HMGA2: variants seen among roughly 807,000 people sequenced by gnomAD.
The protein encoded by HMGA2 is high mobility group AT-hook 2, also known as high mobility group protein HMGI-C.
HMGA2 carries 8 observed loss-of-function variants against 19.1 expected under a neutral mutation model. The observed-to-expected ratio is 0.42, with a 90% CI of 0.25 to 0.76. The LOEUF (loss-of-function observed/expected upper bound fraction) is 0.76. Ranked by LOEUF, HMGA2 falls within the 30% of genes least tolerant of loss-of-function variation. The pLI is 0.28. For missense variants in HMGA2, 109 were observed against 136.3 expected, an observed-to-expected ratio of 0.80 and a Z score of 1.00; for synonymous variants, 60 against 48.8, an observed-to-expected ratio of 1.23 and a Z score of -0.96.
At chr12:65,828,354 T>A in intron 2 of HMGA2, 1 of 169,422 alleles carries the variant, frequency 5.9e-6, no homozygotes, top group South Asian at 8.2e-5. Flanking sequence ...CGGGTAGAAG[T>A]GAGGAAGGAA....
chr12:65,923,992 A>G (rs1875416057), intron 3 of HMGA2, among the ~76,000 whole-genome samples: 2 of 152,082 alleles, frequency 1.3e-5, no homozygotes, highest in Non-Finnish European at 2.9e-5. Flanking sequence ...CCTGGGCAAC[A>G]AGAGCAAAAC....
chr12:65,866,687 G>T (rs776565658), intron 3 of HMGA2: 1 of 398,874 alleles, frequency 2.5e-6, no homozygotes, highest in Non-Finnish European at 5.0e-6. Context: ...ATTACCTCTT[G>T]TACCTTAGCC....
intron 3 of HMGA2, among the ~76,000 whole-genome samples, chr12:65,861,805 C>T (rs1362508674): frequency 6.7e-6 from 1 of 149,392 alleles, no homozygotes; most frequent in Non-Finnish European, 1.5e-5. Context: ...AATATAACAA[C>T]ATATTTTTGA....
chr12:65,872,446 T>C (rs993229196), intron 3 of HMGA2, among the ~76,000 whole-genome samples: 4 of 152,220 alleles, frequency 2.6e-5, no homozygotes, highest in Non-Finnish European at 5.9e-5. Flanking sequence ...GTGTTCATTC[T>C]GAGTTAGCTC....
intron 3 of HMGA2, among the ~76,000 whole-genome samples, chr12:65,905,721 A>G (rs1202522011): frequency 6.6e-6 from 1 of 152,232 alleles, no homozygotes; most frequent in Non-Finnish European, 1.5e-5. Flanking sequence ...TTCCTTAAAA[A>G]CACATATATT....
intron 3 of HMGA2, among the ~76,000 whole-genome samples, chr12:65,918,786 A>G (rs1050437170): frequency 5.9e-5 from 9 of 152,212 alleles, no homozygotes; most frequent in African/African-American, 2.2e-4. Context: ...CCATAAGGGC[A>G]ACAGAGAAAT....
At chr12:65,883,636 CT>C (rs35532574) in intron 3 of HMGA2, among the ~76,000 whole-genome samples, 1 of 151,988 alleles carries the variant, frequency 6.6e-6, no homozygotes, top group African/African-American at 2.4e-5. Context: ...CTATGCACTG[CT>C]TTTTTTTCAC....
intron 3 of HMGA2, among the ~76,000 whole-genome samples, chr12:65,931,527 C>A (rs992059702): frequency 6.6e-6 from 1 of 150,602 alleles, no homozygotes; most frequent in Non-Finnish European, 1.5e-5. Context: ...AAGAATGGAA[C>A]CCAGGAGCTA....
At chr12:65,840,662 C>G (rs910729800) in intron 3 of HMGA2, among the ~76,000 whole-genome samples, 3 of 152,114 alleles carry the variant, frequency 2.0e-5, no homozygotes, top group African/African-American at 7.2e-5. Context: ...GCATACATAT[C>G]AAATAGAGAT....
intron 3 of HMGA2, among the ~76,000 whole-genome samples, chr12:65,936,122 T>C (rs943208593): frequency 6.6e-6 from 1 of 152,178 alleles, no homozygotes; most frequent in African/African-American, 2.4e-5. Context: ...TATTAAGCTG[T>C]TTTCCTTTTA....
At chr12:65,838,749 T>C (rs1278905979) in intron 3 of HMGA2, among the ~76,000 whole-genome samples, 180 bp downstream of exon 3, 1 of 152,128 alleles carries the variant, frequency 6.6e-6, no homozygotes, top group Admixed American at 6.5e-5. Flanking sequence ...TCCAGGTGTT[T>C]ACGTAGAACA....
chr12:65,915,643 CCCAGCTTCAGA>C, intron 3 of HMGA2: 2 of 735,834 alleles, frequency 2.7e-6, no homozygotes, highest in Non-Finnish European at 3.4e-6. Context: ...ACATTTCATT[CCCAGCTTCAGA>C]TGGGCTGCCA....
At chr12:65,922,230 G>T (rs1565733407) in intron 3 of HMGA2, among the ~76,000 whole-genome samples, 2 of 152,130 alleles carry the variant, frequency 1.3e-5, no homozygotes, top group Non-Finnish European at 2.9e-5. Context: ...TTCACTATGT[G>T]TCTGGAAAAG....
intron 3 of HMGA2, among the ~76,000 whole-genome samples, chr12:65,907,143 T>C (rs1324333533): frequency 2.6e-5 from 4 of 152,048 alleles, no homozygotes; most frequent in Non-Finnish European, 5.9e-5. Flanking sequence ...ACACCTGTAA[T>C]CCCAGCACTT....
intron 3 of HMGA2, chr12:65,914,779 A>G (rs937495617): frequency 1.8e-5 from 7 of 390,000 alleles, no homozygotes; most frequent in Non-Finnish European, 3.4e-5. Flanking sequence ...GGTTCAAGCA[A>G]TTCTCCTGCC....
chr12:65,862,482 C>G (rs1872154157), intron 3 of HMGA2, among the ~76,000 whole-genome samples: 1 of 152,074 alleles, frequency 6.6e-6, no homozygotes, highest in African/African-American at 2.4e-5. Flanking sequence ...TGAGGAAAAA[C>G]TAAATATTTT....
intron 3 of HMGA2, among the ~76,000 whole-genome samples, chr12:65,887,425 A>G (rs1170127195): frequency 6.6e-6 from 1 of 152,144 alleles, no homozygotes; most frequent in South Asian, 2.1e-4. Context: ...CGTCTCTACT[A>G]AAAATATGAA....
chr12:65,833,894 A>T (rs1040529167), intron 2 of HMGA2, among the ~76,000 whole-genome samples: 2 of 152,214 alleles, frequency 1.3e-5, no homozygotes, highest in Non-Finnish European at 2.9e-5. Context: ...GGTAAGTATT[A>T]TATTTGTGGG....
chr12:65,829,864 A>G (rs1870400135), intron 2 of HMGA2, among the ~76,000 whole-genome samples: 1 of 151,942 alleles, frequency 6.6e-6, no homozygotes, highest in South Asian at 2.1e-4. Context: ...TTTAAAGTTG[A>G]TCTATTCCTA....
Sources: gnomAD v4.1 joint callset for allele counts (sites outside exome capture counted in the v4.1 genomes callset) on GRCh38, gnomAD v4.1.1 for gene constraint, MANE v1.5 for transcripts, NCBI Gene and HGNC (gene_info 2026-07-23, HGNC 2026-07-21) for gene names.